Variants in ZNF483 observed in about 807,000 individuals in gnomAD.
The protein encoded by ZNF483 is zinc finger protein HIT-10.
ZNF483 carries 9 observed loss-of-function variants against 28.6 expected under a neutral mutation model. The observed-to-expected ratio is 0.32, with a 90% confidence interval of 0.19 to 0.55. The LOEUF is 0.55. Among genes scored for constraint, ZNF483 ranks in the 20% least tolerant of loss-of-function variants. The probability of loss-of-function intolerance (pLI) is 0.93; values close to 1 mark genes in which losing one functional copy is unlikely to be tolerated. For missense variants in ZNF483, 675 were observed against 871.7 expected (o/e 0.77, Z 2.84); for synonymous variants, 322 against 306.2 (o/e 1.05, Z -0.54).
chr9:111,547,034 C>A lies in ZNF483; in HGVS notation c.*3864C>A, dbSNP rs1827825197. On this transcript the variant is annotated 3_prime_UTR_variant, in exon 6 of 6. Transcript: ENST00000309235. ...ATCAGAATTTAATTCCTTTTTAAGG[C>A]TGAATAATATTCCATTTTACTTGTA... 6.6e-6 allele frequency among the ~76,000 whole-genome samples: 1 copy of A among 152,172 alleles called. No homozygotes were observed. Among genetic ancestry groups the A allele is most frequent in the Admixed American group, 6.5e-5 (1 of 15,272 alleles).
chr9:111,577,821 G>A (rs1829125604), exon 6 of ZNF483: 1 of 152,166 alleles, frequency 6.6e-6, no homozygotes, highest in Admixed American at 6.5e-5. Flanking sequence ...CTCCAGCCTA[G>A]GTGACAGAGT....
Position 111,530,756 on chromosome 9 carries a change from AATATATATATATATATATATATAT to A in ZNF483, c.413-97_413-74del, listed in dbSNP as rs60541488. ...GTTTTTTTCCTGTTTATCACTTAGA[AATATATATATATATATATATATAT>A]ATATATATATATATATATATACATA... is the stretch of plus-strand genomic sequence containing the variant. On this transcript the variant is annotated intron_variant, in intron 2 of 5. Coordinates refer to ENST00000309235, the MANE Select transcript of ZNF483 (RefSeq NM_133464.5). The A allele has an allele frequency of 4.3e-3, 301 of 70,548 alleles. 1 individual carries two copies. Among genetic ancestry groups the A allele is most frequent in the Middle Eastern group, 8.2e-3 (1 of 122 alleles). 4.4% of individuals were successfully genotyped at this position (70,548 alleles called of 1,614,324 possible).
Position 111,561,147 on chromosome 9 carries a change from G to GAGAGA in ZNF483, c.722-15218_722-15217insAGAGA, listed in dbSNP as rs1491187821. ...GAGAGAGAGAGAGAGAGGAGAGAGA[G>GAGAGA]GGAGAGAGAGAGAGAGAGAGAGAGA... On this transcript the variant is annotated intron_variant, in intron 5 of 5. Coordinates refer to the ZNF483 transcript ENST00000358151. Among the ~76,000 whole-genome samples, 34 of 44,656 alleles carry GAGAGA rather than the reference G, an allele frequency of 7.6e-4. 3 individuals carry two copies. Among genetic ancestry groups the GAGAGA allele is most frequent in the African/African-American group, 1.1e-3 (7 of 6,568 alleles). 29.3% of individuals were successfully genotyped at this position (44,656 alleles called of 152,430 possible). A position where few individuals can be genotyped will look rare whatever the true frequency, so the allele number is the denominator to read the frequency against.
rs1014060598 is a variant in ZNF483, at chr9:111,553,584, A to C, written c.*10414A>C. Among the ~76,000 whole-genome samples the C allele has an allele frequency of 6.6e-6, 1 of 152,218 alleles. No individual in the cohort carries two copies. The highest frequency in any genetic ancestry group is 2.4e-5 in the African/African-American group (1 of 41,456). ...TCTGAACTCAAATCAATCTGTTGAT[A>C]CTGACTAGATTGGTGACGTGTTTAT... On this transcript the variant is annotated 3_prime_UTR_variant, in exon 6 of 6. Coordinates refer to ENST00000309235, the MANE Select transcript of ZNF483 (RefSeq NM_133464.5).
chr9:111,536,118 T>C (rs1018554240), intron 5 of ZNF483, among the ~76,000 whole-genome samples: 2 of 150,154 alleles, frequency 1.3e-5, no homozygotes, highest in Admixed American at 1.3e-4. Context: ...GGATCACTCC[T>C]GACCTCAAGT....
At chr9:111,538,728 A>T (rs868296234) in intron 5 of ZNF483, among the ~76,000 whole-genome samples, 1 of 152,260 alleles carries the variant, frequency 6.6e-6, no homozygotes, top group Middle Eastern at 3.4e-3. Flanking sequence ...CCTCATGTTG[A>T]TACACAGCTT....
rs1286382916 is a variant in ZNF483, at chr9:111,555,252, G to A, written c.*12082G>A. ...ATGCCTCTCATTTCCTGTGGGAATT[G>A]TGGTGAATTGATAATCACCTGGCAA... On this transcript the variant is annotated 3_prime_UTR_variant, in exon 6 of 6. Transcript: ENST00000309235. Among the ~76,000 whole-genome samples the A allele has an allele frequency of 6.6e-6, 1 of 152,120 alleles. No individual in the cohort carries two copies. Among genetic ancestry groups the A allele is most frequent in the African/African-American group, 2.4e-5 (1 of 41,392 alleles).
chr9:111,539,328 A>T (rs1348926211), intron 5 of ZNF483: 1 of 380,596 alleles, frequency 2.6e-6, no homozygotes, highest in East Asian at 7.7e-5. Flanking sequence ...CAAAGATTTA[A>T]AGAATATTTG....
At chr9:111,563,136 T>A (rs1828384664) in intron 5 of ZNF483, 2 of 1,613,888 alleles carry the variant, frequency 1.2e-6, no homozygotes. Flanking sequence ...CTTTCACTAT[T>A]GTCTTCCCCA....
chr9:111,572,756 C>CA (rs58101079), intron 5 of ZNF483, among the ~76,000 whole-genome samples: 18,111 of 61,868 alleles, frequency 0.29, 2,366 homozygotes, highest in Non-Finnish European at 0.36. Flanking sequence ...GACCCTGTCT[C>CA]AAAAAAAAAA....
chr9:111,559,231 T>G (rs1564606876), downstream of ZNF483, among the ~76,000 whole-genome samples: 2 of 152,110 alleles, frequency 1.3e-5, no homozygotes, highest in South Asian at 2.1e-4. Context: ...GATCACATAC[T>G]TCACACCAGG....
chr9:111,535,886 T>C (rs1827483832), intron 5 of ZNF483, among the ~76,000 whole-genome samples: 1 of 143,800 alleles, frequency 7.0e-6, no homozygotes, highest in East Asian at 2.1e-4. Context: ...TTACAATTTA[T>C]ATATATTATT....
At chr9:111,571,389 AC>A (rs1301526562) in intron 5 of ZNF483, among the ~76,000 whole-genome samples, 4 of 149,904 alleles carry the variant, frequency 2.7e-5, no homozygotes, top group African/African-American at 9.7e-5. Flanking sequence ...AGCCTGGGTG[AC>A]AGAGCGAGAC....
At position 111,546,098 on chromosome 9, in the gene ZNF483, T is replaced by C. The variant is rs1379754187; in HGVS notation, c.*2928T>C. 5.3e-5 allele frequency among the ~76,000 whole-genome samples: 8 copies of C among 152,174 alleles called. No individual in the cohort carries two copies. On this transcript the variant is annotated 3_prime_UTR_variant, in exon 6 of 6. Transcript: ENST00000309235. ...TGTTTTTTAAAAATTATGCCCATCC[T>C]AGCGTTTGAAATGATATTCCTTTGT...
rs929219526 is a variant in ZNF483, at chr9:111,552,013, A to G, written c.*8843A>G. 1.1e-4 allele frequency among the ~76,000 whole-genome samples: 16 copies of G among 152,158 alleles called. 1 individual carries two copies. Among genetic ancestry groups the G allele is most frequent in the Non-Finnish European group, 1.5e-5 (1 of 68,022 alleles). ...TTTATTTGTATTATGAAATGTTTCT[A>G]TTGTAAATAAATTCTTTTACCTGTC... On this transcript the variant is annotated 3_prime_UTR_variant, in exon 6 of 6. Transcript: ENST00000309235.
rs953507192 is a variant in ZNF483 at position 111,544,934 on chromosome 9, C to T, written c.*1764C>T. ...TTCCTAAAGTTGAAATTGTGGGCAC[C>T]TCCTATAAAAAGAGAGCTAAACCAG... On this transcript the variant is annotated 3_prime_UTR_variant, in exon 6 of 6. Transcript: ENST00000309235. 2.0e-5 allele frequency among the ~76,000 whole-genome samples: 3 copies of T among 152,090 alleles called. No homozygotes were observed. Among genetic ancestry groups the T allele is most frequent in the Non-Finnish European group, 4.4e-5 (3 of 68,018 alleles).
intron 5 of ZNF483, chr9:111,575,354 T>G (rs1829013674): frequency 6.6e-6 from 1 of 152,486 alleles, no homozygotes; most frequent in South Asian, 2.1e-4. Flanking sequence ...TCTAAGACCA[T>G]ACCTTTTATA....
Position 111,541,826 on chromosome 9 carries a change from T to A in ZNF483, c.891T>A (p.Gly297=). 6.2e-7 allele frequency: 1 copy of A among 1,613,952 alleles called. No homozygotes were observed. The highest frequency in any genetic ancestry group is 8.5e-7 in the Non-Finnish European group (1 of 1,179,994). ...AAACTCTTGGGAGTGGCAGTAGGGG[T>A]AAGAAATTTGACCCAGATAAAAGCC... ...QNKTLGSGSR[G]KKFDPDKSPF... is the part of the protein sequence containing the mutation. Residue 297 remains glycine, a synonymous_variant, in exon 6 of 6, where the codon GGT becomes GGA. Coordinates refer to ENST00000309235, the MANE Select transcript of ZNF483 (RefSeq NM_133464.5).
intron 5 of ZNF483, among the ~76,000 whole-genome samples, chr9:111,562,421 A>G (rs1224725662): frequency 6.6e-6 from 1 of 151,802 alleles, no homozygotes; most frequent in African/African-American, 2.4e-5. Flanking sequence ...GATTACAGGC[A>G]TGTGCCACCA....
Sources: gnomAD v4.1 joint callset for allele counts (sites outside exome capture counted in the v4.1 genomes callset) on GRCh38, gnomAD v4.1.1 for gene constraint, MANE v1.5 for transcripts, NCBI Gene and HGNC (gene_info 2026-07-23, HGNC 2026-07-21) for gene names.